SPEN: variants seen among roughly 807,000 people sequenced by gnomAD.
SPEN encodes msx2-interacting protein.
Under a neutral mutation model 269.9 loss-of-function variants are expected in SPEN, and 18 were observed. The observed-to-expected ratio is 0.07, with a 90% CI of 0.05 to 0.10. The LOEUF (loss-of-function observed/expected upper bound fraction) is 0.10, where lower values mean the gene tolerates loss of function less well. Ranked by LOEUF, SPEN falls within the 10% of genes least tolerant of loss-of-function variation. SPEN has a pLI of 1.00. For synonymous variants in SPEN, 1,726 were observed against 1,765.7 expected (o/e 0.98, Z 0.56); for missense variants, 3,822 against 4,631.2 (o/e 0.83, Z 5.07).
At chr1:15,868,982 A>G (rs2070545606) in intron 1 of SPEN, among the ~76,000 whole-genome samples, 2 of 152,200 alleles carry the variant, frequency 1.3e-5, no homozygotes, top group Admixed American at 1.3e-4. Flanking sequence ...GATATCAGTA[A>G]TTGTGAATGG....
chr1:15,886,796 C>A (rs1237295862), intron 3 of SPEN, among the ~76,000 whole-genome samples: 2 of 152,124 alleles, frequency 1.3e-5, no homozygotes, highest in African/African-American at 4.8e-5. Context: ...AGGAGCGTTG[C>A]TTTTAGTTAG....
At position 15,930,797 on chromosome 1, in the gene SPEN, G is replaced by A; in HGVS notation, c.4557G>A (p.Glu1519=). 6.2e-7 allele frequency: 1 copy of A among 1,614,180 alleles called. No individual in the cohort carries two copies. Among genetic ancestry groups the A allele is most frequent in the Non-Finnish European group, 8.5e-7 (1 of 1,180,024 alleles). ...DDKKEDHKEE[E]QERQELFASR... is the part of the protein sequence containing the mutation. The stretch of plus-strand genomic sequence containing the variant: ...AGAAAGAGGACCATAAAGAAGAAGA[G>A]CAAGAGAGGCAGGAATTGTTTGCTT... Residue 1519 remains glutamate (E), a synonymous_variant, in exon 11 of 15, where the codon GAG becomes GAA. Transcript: ENST00000375759. The surrounding 1 kb of genome is among the most constrained non-coding windows in gnomAD (Gnocchi z 5.3).
At chr1:15,882,353 C>G (rs544248526) in intron 3 of SPEN, among the ~76,000 whole-genome samples, 1 of 152,082 alleles carries the variant, frequency 6.6e-6, no homozygotes, top group Admixed American at 6.6e-5. Flanking sequence ...TCCCGCCCCC[C>G]CAATCAAGTT....
chr1:15,876,177 A>T (rs1300997506), intron 2 of SPEN, 25 bp from the exon 3 acceptor site: 11 of 1,572,694 alleles, frequency 7.0e-6, no homozygotes, highest in Middle Eastern at 1.7e-4. Context: ...TTCTGATTAA[A>T]TATTTTTCCC....
Position 15,935,858 on chromosome 1 carries a change from C to G in SPEN, c.9618C>G (p.Val3206=), listed in dbSNP as rs780059464. The G allele has an allele frequency of 7.4e-6, 12 of 1,613,618 alleles. No individual in the cohort carries two copies. The highest frequency in any genetic ancestry group is 1.0e-5 in the Non-Finnish European group (12 of 1,180,010). The change falls in exon 11 of 15, where the codon GTC becomes GTG. Residue 3206 remains valine, a synonymous_variant. Coordinates refer to ENST00000375759, the MANE Select transcript of SPEN (RefSeq NM_015001.3). This position sits in a 1 kb window ranked among gnomAD's most constrained non-coding sequence, Gnocchi z 7.7. ...TGGTGCATCCACATGTGACGGCAGT[C>G]AGCGAGCAGCCCAGGGCCGCGGATG... ...RIMVHPHVTA[V]SEQPRAADGV...
chr1:15,899,750 AAATGTCTTTG>A (rs1296245249), intron 3 of SPEN, among the ~76,000 whole-genome samples: 2 of 151,864 alleles, frequency 1.3e-5, no homozygotes, highest in Admixed American at 6.6e-5. Flanking sequence ...ATCTTTGGAG[AAATGTCTTTG>A]AAGTCTTTGA....
At position 15,934,089 on chromosome 1, in the gene SPEN, A is replaced by C. The variant is rs1194901648; in HGVS notation, c.7849A>C (p.Lys2617Gln). 4 of 1,610,860 alleles carry C rather than the reference A, an allele frequency of 2.5e-6. No individual in the cohort carries two copies. The highest frequency in any genetic ancestry group is 3.4e-6 in the Non-Finnish European group (4 of 1,177,534). Residue 2617 changes from lysine to glutamine, a missense_variant, in exon 11 of 15, where the codon AAA (lysine) becomes CAA (glutamine). Around this residue, in one of 16 missense-constraint regions of SPEN, gnomAD observed 329 missense variants for 431.2 expected, o/e 0.76. Transcript: ENST00000375759. The surrounding 1 kb of genome is among the most constrained non-coding windows in gnomAD (Gnocchi z 9.2). ...AAAGGTGGCTCCAGTCATTGCTCCCAAAATTACCTCTGTTATTAGCCGGAT... is the reference window on the plus strand; with the variant it reads ...AAAGGTGGCTCCAGTCATTGCTCCCCAAATTACCTCTGTTATTAGCCGGAT... ...KEKVAPVIAPKITSVISRMPV... is the reference protein window; with the variant it reads ...KEKVAPVIAPQITSVISRMPV...
At position 15,928,959 on chromosome 1, in the gene SPEN, A is replaced by C. The variant is rs1325016087; in HGVS notation, c.2719A>C (p.Thr907Pro). The C allele has an allele frequency of 6.2e-7, 1 of 1,614,246 alleles. No individual in the cohort carries two copies. The highest frequency in any genetic ancestry group is 1.1e-5 in the South Asian group (1 of 91,092). Reference sequence around the variant, plus strand: ...GTTGAAAGCCAAGCTTGATAATGACACTGTCAAATCTTCTGCCCTGGACCA... The same window carrying C: ...GTTGAAAGCCAAGCTTGATAATGACCCTGTCAAATCTTCTGCCCTGGACCA... ...EKLKAKLDND[T>P]VKSSALDQKL... Residue 907 changes from threonine to proline, a missense_variant, in exon 11 of 15, where the codon ACT (threonine) becomes CCT (proline). By Grantham distance (38) the Thr-to-Pro change is conservative. Transcript: ENST00000375759. This position sits in a 1 kb window ranked among gnomAD's most constrained non-coding sequence, Gnocchi z 5.7.
chr1:15,888,984 C>G (rs2070764376), intron 3 of SPEN, among the ~76,000 whole-genome samples: 1 of 151,992 alleles, frequency 6.6e-6, no homozygotes, highest in East Asian at 1.9e-4. Context: ...TGATCTTGTT[C>G]TTTCCTTATA....
intron 3 of SPEN, among the ~76,000 whole-genome samples, chr1:15,901,453 A>C (rs2070899339): frequency 6.6e-6 from 1 of 151,796 alleles, no homozygotes; most frequent in Non-Finnish European, 1.5e-5. Context: ...CCTAGACAAC[A>C]TGGCAAGACC....
chr1:15,928,959 A>G lies in SPEN; in HGVS notation c.2719A>G (p.Thr907Ala), dbSNP rs1325016087. 1 of 1,614,246 alleles carries G rather than the reference A, an allele frequency of 6.2e-7. No individual in the cohort carries two copies. The highest frequency in any genetic ancestry group is 1.3e-5 in the African/African-American group (1 of 75,060). The part of the protein sequence containing the change: ...EKLKAKLDND[T>A]VKSSALDQKL... ...GTTGAAAGCCAAGCTTGATAATGAC[A>G]CTGTCAAATCTTCTGCCCTGGACCA... The change falls in exon 11 of 15, where the codon ACT becomes GCT. Residue 907 changes from threonine (T) to alanine (A), a missense_variant. Thr to Ala is a moderately conservative substitution (Grantham distance 58). Coordinates refer to ENST00000375759, the MANE Select transcript of SPEN (RefSeq NM_015001.3). This position sits in a 1 kb window ranked among gnomAD's most constrained non-coding sequence, Gnocchi z 5.7.
chr1:15,855,429 G>C (rs537710910), intron 1 of SPEN, among the ~76,000 whole-genome samples: 41 of 151,226 alleles, frequency 2.7e-4, no homozygotes, highest in African/African-American at 9.2e-4. Flanking sequence ...TTTTTCCTTT[G>C]ATTTAAAAAC....
intron 1 of SPEN, among the ~76,000 whole-genome samples, chr1:15,871,733 T>C (rs2070577335): frequency 6.6e-6 from 1 of 152,232 alleles, no homozygotes; most frequent in Non-Finnish European, 1.5e-5. Context: ...TATTTGGATT[T>C]ACTTTTGCCT....
At chr1:15,867,187 C>G (rs1364079442) in intron 1 of SPEN, among the ~76,000 whole-genome samples, 1 of 152,096 alleles carries the variant, frequency 6.6e-6, no homozygotes, top group Non-Finnish European at 1.5e-5. Flanking sequence ...AATTTACTTT[C>G]TGTTTGCATG....
At chr1:15,899,354 A>G (rs1325119308) in intron 3 of SPEN, among the ~76,000 whole-genome samples, 1 of 151,246 alleles carries the variant, frequency 6.6e-6, no homozygotes, top group Non-Finnish European at 1.5e-5. Flanking sequence ...GTTTTTGGTA[A>G]TTTTTTGTAG....
At position 15,934,609 on chromosome 1, in the gene SPEN, T is replaced by C. The variant is rs751367292; in HGVS notation, c.8369T>C (p.Met2790Thr). ...AACAGTCGGTTCCACCCAGGGTCCA[T>C]GCCTGTGATCGACGATCGTCCGGCA... ...NENSRFHPGS[M>T]PVIDDRPADA... The change falls in exon 11 of 15, where the codon ATG (methionine) becomes ACG (threonine). Residue 2790 changes from methionine to threonine, a missense_variant. Coordinates refer to ENST00000375759, the MANE Select transcript of SPEN (RefSeq NM_015001.3). This position sits in a 1 kb window ranked among gnomAD's most constrained non-coding sequence, Gnocchi z 9.2. The C allele has an allele frequency of 1.1e-5, 17 of 1,613,872 alleles. No homozygotes were observed. The highest frequency in any genetic ancestry group is 2.5e-6 in the Non-Finnish European group (3 of 1,179,896).
chr1:15,880,991 T>C (rs1189812417), intron 3 of SPEN, among the ~76,000 whole-genome samples: 1 of 152,184 alleles, frequency 6.6e-6, no homozygotes, highest in East Asian at 1.9e-4. Context: ...GTAATGATTT[T>C]TTTTTTATTT....
Position 15,911,272 on chromosome 1 carries a change from A to T in SPEN, c.1214A>T (p.Gln405Leu). ...AAAGGAAAACTTTTCTTTGGCATGCAGATTGAAGTAACAGCATGGATAGGT... is the reference window on the plus strand; with the variant it reads ...AAAGGAAAACTTTTCTTTGGCATGCTGATTGAAGTAACAGCATGGATAGGT... ...ASKGKLFFGM[Q>L]IEVTAWIGPE... Residue 405 changes from glutamine (Q) to leucine (L), a missense_variant, in exon 5 of 15, where the codon CAG becomes CTG. By Grantham distance (113) the Gln-to-Leu change is moderately radical. Transcript: ENST00000375759. 6.2e-7 allele frequency: 1 copy of T among 1,614,160 alleles called. No homozygotes were observed. The highest frequency in any genetic ancestry group is 8.5e-7 in the Non-Finnish European group (1 of 1,179,990).
Position 15,883,807 on chromosome 1 carries a change from C to CT in SPEN, c.881+7149dup, listed in dbSNP as rs36018800. Among the ~76,000 whole-genome samples, 240 of 69,530 alleles carry CT rather than the reference C, an allele frequency of 3.5e-3. 5 individuals carry two copies. Among genetic ancestry groups the CT allele is most frequent in the African/African-American group, 8.8e-3 (183 of 20,890 alleles). The allele number at this position is 69,530 out of a possible 152,430, so 45.6% of individuals were successfully genotyped here. Reference sequence around the variant, plus strand: ...TCCTAATGTTAGACAATTTAAGATTCTTTTTTTTTTTTTTTTTTTTGAGAC... The same window carrying CT: ...TCCTAATGTTAGACAATTTAAGATTCTTTTTTTTTTTTTTTTTTTTTGAGAC... On this transcript the variant is annotated intron_variant, in intron 3 of 14. Coordinates refer to ENST00000375759, the MANE Select transcript of SPEN (RefSeq NM_015001.3).
Sources: gnomAD v4.1 joint callset for allele counts (sites outside exome capture counted in the v4.1 genomes callset) on GRCh38, gnomAD v4.1.1 for gene constraint, gnomAD v4.1.1 regional missense constraint, Gnocchi (gnomAD v3.1) non-coding constraint, MANE v1.5 for transcripts, NCBI Gene and HGNC (gene_info 2026-07-23, HGNC 2026-07-21) for gene names.